ITIH6: variants seen among roughly 807,000 people sequenced by gnomAD.
ITIH6 encodes inter-alpha-trypsin inhibitor heavy chain H6.
In ITIH6, 60 loss-of-function variants were observed where a neutral mutation model predicts 58.2. The observed-to-expected ratio is 1.03, with a 90% CI of 0.84 to 1.28. ITIH6 has a LOEUF of 1.28. ITIH6 is among the 50% of genes most tolerant of loss of function. The pLI, the probability that ITIH6 is intolerant of heterozygous loss-of-function variation, is 0.00. For synonymous variants in ITIH6, 493 were observed against 417.4 expected, an observed-to-expected ratio of 1.18 and a Z score of -2.21; for missense variants, 1,290 against 1,021.1, an observed-to-expected ratio of 1.26 and a Z score of -3.59.
intron 5 of ITIH6, among the ~76,000 whole-genome samples, chrX:54,785,948 C>G (rs1177408457): frequency 9.0e-6 from 1 of 111,249 alleles, no homozygotes; most frequent in Non-Finnish European, 1.9e-5. Flanking sequence ...CACCACAGAA[C>G]CCCTATCAAT....
chrX:54,776,060 C>G (rs761260409), intron 5 of ITIH6, among the ~76,000 whole-genome samples: 7 of 111,330 alleles, frequency 6.3e-5, no homozygotes, highest in Admixed American at 1.9e-4. Flanking sequence ...CACGCCTACC[C>G]CACCCTCCAA....
At chrX:54,792,090 G>A in intron 2 of ITIH6, 54 bp from the exon 3 acceptor site, 1 of 868,761 alleles carries the variant, frequency 1.2e-6, no homozygotes, top group Non-Finnish European at 1.7e-6. Context: ...TAAAGAGTTG[G>A]TCAGAGACAG....
rs755453467 is a variant in ITIH6 at position 54,759,786 on chromosome X, C to A, written c.1045G>T (p.Asp349Tyr). The A allele has an allele frequency of 1.7e-6, 2 of 1,210,766 alleles. No homozygotes were observed. Among genetic ancestry groups the A allele is most frequent in the Non-Finnish European group, 2.2e-6 (2 of 894,967 alleles). Residue 349 changes from aspartate to tyrosine, a missense_variant, in exon 7 of 13, where the codon GAC becomes TAC. Coordinates refer to ENST00000218436, the MANE Select transcript of ITIH6 (RefSeq NM_198510.3). Reference protein sequence around the residue: ...ATIQNVHSAKDYLHCMEADGW... With the variant: ...ATIQNVHSAKYYLHCMEADGW... ...TCGGCTTCCATGCAATGCAGGTAGT[C>A]CTTGGCACTGTGGACATTCTGGATG...
At chrX:54,781,531 A>T (rs1929147366) in intron 5 of ITIH6, among the ~76,000 whole-genome samples, 3 of 112,450 alleles carry the variant, frequency 2.7e-5, no homozygotes, top group African/African-American at 9.7e-5. Flanking sequence ...CCACAATGAG[A>T]CACCATCTCA....
chrX:54,767,641 G>C (rs965017264), intron 6 of ITIH6, among the ~76,000 whole-genome samples: 3 of 103,262 alleles, frequency 2.9e-5, no homozygotes, highest in African/African-American at 1.1e-4. Flanking sequence ...CCTTCATTTC[G>C]TTATGCACCC....
At chrX:54,763,396 C>T (rs1196506149) in intron 6 of ITIH6, among the ~76,000 whole-genome samples, 2 of 111,647 alleles carry the variant, frequency 1.8e-5, no homozygotes, top group African/African-American at 6.5e-5. Flanking sequence ...GAAGTCAGAA[C>T]CTCTTGTTGA....
chrX:54,778,886 G>A (rs758036188), intron 5 of ITIH6, among the ~76,000 whole-genome samples: 1 of 108,516 alleles, frequency 9.2e-6, no homozygotes, highest in Non-Finnish European at 1.9e-5. Context: ...CCTAAAAGCA[G>A]CAAGAGAAGA....
intron 6 of ITIH6, among the ~76,000 whole-genome samples, chrX:54,767,650 C>T (rs1452577224): frequency 9.7e-6 from 1 of 103,466 alleles, no homozygotes; most frequent in Non-Finnish European, 1.9e-5. Flanking sequence ...CGTTATGCAC[C>T]CAGTAGTCAT....
Position 54,753,647 on chromosome X carries a change from T to C in ITIH6, c.3352+4A>G, listed in dbSNP as rs781209715. The C allele has an allele frequency of 1.5e-5, 18 of 1,187,587 alleles. No individual in the cohort carries two copies. Among genetic ancestry groups the C allele is most frequent in the Admixed American group, 4.4e-5 (2 of 45,619 alleles). On this transcript the variant is annotated splice_donor_region_variant and intron_variant, in intron 11 of 12. Transcript: ENST00000218436. The stretch of plus-strand genomic sequence containing the variant: ...TATGGTGATGGAGTTCTTGGGGCTC[T>C]TACCTGCCTTTGGGTCCTCTATGAG...
intron 2 of ITIH6, among the ~76,000 whole-genome samples, chrX:54,795,395 G>C (rs1929422622): frequency 8.9e-6 from 1 of 112,110 alleles, no homozygotes; most frequent in African/African-American, 3.2e-5. Flanking sequence ...AAATGAATAA[G>C]TATATATGTT....
intron 5 of ITIH6, among the ~76,000 whole-genome samples, chrX:54,785,795 G>A (rs191565602): frequency 9.0e-6 from 1 of 111,558 alleles, no homozygotes; most frequent in African/African-American, 3.3e-5. Context: ...TGGGGCTCTG[G>A]GCAGCTGTGT....
chrX:54,774,000 AG>A (rs1371744692), intron 6 of ITIH6, 80 bp downstream of exon 6: 19 of 534,352 alleles, frequency 3.6e-5, no homozygotes, highest in Non-Finnish European at 4.9e-5. Flanking sequence ...CTCTTCTCCC[AG>A]GGCCCCATTG....
chrX:54,774,008 A>G, intron 6 of ITIH6, 73 bp downstream of exon 6: 1 of 617,911 alleles, frequency 1.6e-6, no homozygotes, highest in Non-Finnish European at 2.5e-6. Flanking sequence ...CCAGGGCCCC[A>G]TTGTTACCAC....
chrX:54,781,487 A>G (rs772200325), intron 5 of ITIH6, among the ~76,000 whole-genome samples: 2 of 112,554 alleles, frequency 1.8e-5, no homozygotes, highest in Non-Finnish European at 3.8e-5. Context: ...AAAAAGCTCA[A>G]CATCGTTGAT....
rs1490618723 is a variant in ITIH6, at chrX:54,757,964, T to A, written c.2110A>T (p.Lys704Ter). ...TCCTGTTGTGCTGGAATTTTGGCCT[T>A]TGGGTATGTGGGCATTGACAGGGTA... ...PHTLSMPTYP[K>*]AKIPAQQDSG... Residue 704 changes from lysine to a stop codon, truncating the protein, a stop_gained, in exon 8 of 13, where the codon AAG (lysine) becomes TAG (stop). Coordinates refer to ENST00000218436, the MANE Select transcript of ITIH6 (RefSeq NM_198510.3). LOFTEE classifies it high-confidence loss of function. 8.3e-7 allele frequency: 1 copy of A among 1,211,543 alleles called. No homozygotes were observed. The highest frequency in any genetic ancestry group is 3.0e-5 in the East Asian group (1 of 33,839).
rs751017752 is a variant in ITIH6 at position 54,751,251 on chromosome X, C to T, written c.3482G>A (p.Arg1161His). The T allele has an allele frequency of 1.5e-5, 18 of 1,210,141 alleles. No individual in the cohort carries two copies. The highest frequency in any genetic ancestry group is 8.7e-5 in the African/African-American group (5 of 57,260). ...KPRAYTITIS[R>H]SSISLRGEGT... ...CTCGCCTCGCAAAGATATAGAACTGCGGCTGATGGTGATAGTATAGGCCCG... is the reference window on the plus strand; with the variant it reads ...CTCGCCTCGCAAAGATATAGAACTGTGGCTGATGGTGATAGTATAGGCCCG... The change falls in exon 12 of 13, where the codon CGC (arginine) becomes CAC (histidine). Residue 1161 changes from arginine (R) to histidine (H), a missense_variant. Coordinates refer to ENST00000218436, the MANE Select transcript of ITIH6 (RefSeq NM_198510.3).
In ITIH6 at chrX:54,774,204, C is replaced by T; in HGVS notation, c.787-7G>A. 1.7e-6 allele frequency: 1 copy of T among 597,422 alleles called. No individual in the cohort carries two copies. The highest frequency in any genetic ancestry group is 2.4e-6 in the Non-Finnish European group (1 of 423,066). The allele number at this position is 597,422 out of a possible 1,213,427, so 49.2% of individuals were successfully genotyped here. On this transcript the variant is annotated splice_polypyrimidine_tract_variant and splice_region_variant and intron_variant, in intron 5 of 12. Transcript: ENST00000218436. ...TGAAATAGTCATCGTAAATCTGGAC[C>T]AAAAAAAAAAAAAAAAAAGTAGAAC...
intron 5 of ITIH6, among the ~76,000 whole-genome samples, chrX:54,785,952 T>TA (rs1193023019): frequency 9.0e-6 from 1 of 111,163 alleles, no homozygotes. Context: ...ACAGAACCCC[T>TA]ATCAATCACT....
At chrX:54,756,207 A>C (rs748284297) in intron 8 of ITIH6, among the ~76,000 whole-genome samples, 1 of 111,637 alleles carries the variant, frequency 9.0e-6, no homozygotes, top group Admixed American at 9.5e-5. Flanking sequence ...AGTGGGTTCT[A>C]ATCCTGCCCT....
Sources: gnomAD v4.1 joint callset for allele counts (sites outside exome capture counted in the v4.1 genomes callset) on GRCh38, gnomAD v4.1.1 for gene constraint, MANE v1.5 for transcripts, NCBI Gene and HGNC (gene_info 2026-07-23, HGNC 2026-07-21) for gene names.